CNTN5: variants seen among roughly 807,000 people sequenced by gnomAD.
CNTN5 encodes the protein contactin 5, also known as contactin-5.
A neutral mutation model predicts 129.1 loss-of-function variants in CNTN5; 77 were observed. The observed-to-expected ratio is 0.60, with a 90% CI of 0.50 to 0.72. CNTN5 has a LOEUF of 0.72. Among genes scored for constraint, CNTN5 ranks in the 30% least tolerant of loss-of-function variants. The probability of loss-of-function intolerance (pLI) is 0.00; values close to 1 mark genes in which losing one functional copy is unlikely to be tolerated. For missense variants in CNTN5, 1,478 were observed against 1,328.8 expected (o/e 1.11, Z -1.75); for synonymous variants, 509 against 465.6 (o/e 1.09, Z -1.20).
intron 6 of CNTN5, among the ~76,000 whole-genome samples, chr11:99,864,287 T>TA (rs1210638154): frequency 5.5e-5 from 6 of 108,726 alleles, no homozygotes; most frequent in African/African-American, 1.8e-4. Context: ...TATCCTGTAG[T>TA]AATACTAACA....
At chr11:99,659,217 AG>A (rs1231150755) in intron 3 of CNTN5, among the ~76,000 whole-genome samples, 1 of 152,188 alleles carries the variant, frequency 6.6e-6, no homozygotes, top group African/African-American at 2.4e-5. Context: ...AGAGAAAGTC[AG>A]ACTTTCTGAA....
chr11:99,378,207 G>C (rs1940306925), intron 2 of CNTN5, among the ~76,000 whole-genome samples: 1 of 152,006 alleles, frequency 6.6e-6, no homozygotes, highest in African/African-American at 2.4e-5. Context: ...GAAATCTTTT[G>C]TCCCACTCTA....
chr11:99,094,095 A>T (rs553513161), intron 1 of CNTN5, among the ~76,000 whole-genome samples: 2 of 152,166 alleles, frequency 1.3e-5, no homozygotes, highest in East Asian at 3.9e-4. Context: ...CAAATCCCTT[A>T]TCACTACCAC....
chr11:99,536,281 G>T (rs547608802), intron 2 of CNTN5, among the ~76,000 whole-genome samples: 1 of 151,830 alleles, frequency 6.6e-6, no homozygotes, highest in Non-Finnish European at 1.5e-5. Flanking sequence ...ATTGAAATTG[G>T]TAACTAGTTA....
At chr11:99,269,572 TTG>T (rs1373290263) in intron 1 of CNTN5, among the ~76,000 whole-genome samples, 23 of 151,890 alleles carry the variant, frequency 1.5e-4, no homozygotes, top group African/African-American at 5.3e-4. Flanking sequence ...TAAACCTGTT[TTG>T]TCCTTACTCA....
intron 13 of CNTN5, among the ~76,000 whole-genome samples, chr11:100,077,735 C>T (rs1224594587): frequency 6.6e-6 from 1 of 151,930 alleles, no homozygotes; most frequent in Non-Finnish European, 1.5e-5. Flanking sequence ...CCCAGCTACT[C>T]AAGAGGCTGA....
At chr11:99,599,403 T>C (rs940724045) in intron 3 of CNTN5, among the ~76,000 whole-genome samples, 1 of 152,132 alleles carries the variant, frequency 6.6e-6, no homozygotes, top group East Asian at 1.9e-4. Flanking sequence ...TGTTATTGAT[T>C]TGTGTATTAT....
intron 3 of CNTN5, among the ~76,000 whole-genome samples, chr11:99,663,003 A>T (rs1952651974): frequency 6.6e-6 from 1 of 152,224 alleles, no homozygotes; most frequent in African/African-American, 2.4e-5. Context: ...AAAACAAAAC[A>T]CCAGCTAAGT....
At chr11:99,093,393 G>T in intron 1 of CNTN5, among the ~76,000 whole-genome samples, 1 of 151,326 alleles carries the variant, frequency 6.6e-6, no homozygotes, top group South Asian at 2.1e-4. Flanking sequence ...AGTCTCTGTT[G>T]TACGCTGGAC....
At chr11:99,561,718 T>A (rs1322825528) in intron 3 of CNTN5, among the ~76,000 whole-genome samples, 2 of 586 alleles carry the variant, frequency 3.4e-3, no homozygotes, top group African/African-American at 4.3e-3. Context: ...CCAAAACCTA[T>A]AACCCCAAAA....
intron 8 of CNTN5, among the ~76,000 whole-genome samples, chr11:99,997,314 T>C (rs543802814): frequency 1.3e-5 from 2 of 152,318 alleles, no homozygotes; most frequent in South Asian, 4.1e-4. Context: ...TTTCTAGTTA[T>C]TTTAATTGTG....
chr11:99,517,777 A>G (rs919537022), intron 2 of CNTN5, among the ~76,000 whole-genome samples: 1 of 152,014 alleles, frequency 6.6e-6, no homozygotes. Flanking sequence ...TCTAACACAC[A>G]TTTCTACCAT....
At chr11:99,890,867 T>C (rs766912260) in intron 6 of CNTN5, among the ~76,000 whole-genome samples, 1 of 152,260 alleles carries the variant, frequency 6.6e-6, no homozygotes, top group Non-Finnish European at 1.5e-5. Context: ...ATAAGCTGTG[T>C]TTGAAATGGC....
intron 13 of CNTN5, among the ~76,000 whole-genome samples, chr11:100,146,971 C>CTAT (rs1344088250): frequency 1.3e-5 from 2 of 152,170 alleles, no homozygotes; most frequent in African/African-American, 4.8e-5. Flanking sequence ...TTTGCATAGG[C>CTAT]TATTTCAGTA....
At chr11:99,192,828 T>C (rs934208909) in intron 1 of CNTN5, among the ~76,000 whole-genome samples, 1 of 152,122 alleles carries the variant, frequency 6.6e-6, no homozygotes, top group South Asian at 2.1e-4. Flanking sequence ...CTCGGGACTT[T>C]AGTTAAAAGT....
intron 6 of CNTN5, among the ~76,000 whole-genome samples, chr11:99,907,528 C>T (rs190882007): frequency 6.6e-5 from 10 of 151,630 alleles, no homozygotes; most frequent in East Asian, 1.9e-4. Flanking sequence ...TTTATTGTTA[C>T]GTCTTGTAAT....
chr11:99,705,346 A>G (rs905742511), intron 3 of CNTN5, among the ~76,000 whole-genome samples: 20 of 151,322 alleles, frequency 1.3e-4, no homozygotes, highest in Admixed American at 9.9e-4. Context: ...TTTTACTCAT[A>G]GTGTTACCTT....
intron 3 of CNTN5, among the ~76,000 whole-genome samples, chr11:99,797,260 A>G (rs187744592): frequency 2.0e-5 from 3 of 152,148 alleles, no homozygotes; most frequent in Admixed American, 6.6e-5. Context: ...TCCTTTGGAT[A>G]TGTATCCAGT....
chr11:99,420,548 C>G (rs1942842812), intron 2 of CNTN5, among the ~76,000 whole-genome samples: 1 of 152,116 alleles, frequency 6.6e-6, no homozygotes, highest in African/African-American at 2.4e-5. Flanking sequence ...CTGGCCATTT[C>G]AGAACTTGAA....
Sources: allele counts gnomAD v4.1 joint callset (sites outside exome capture counted in the v4.1 genomes callset), GRCh38; gene constraint gnomAD v4.1.1; transcripts MANE v1.5; gene names NCBI Gene and HGNC (gene_info 2026-07-23, HGNC 2026-07-21).